DSG1: variants seen among roughly 807,000 people sequenced by gnomAD.
DSG1 encodes the protein desmoglein 1, also known as desmoglein-1.
DSG1 carries 39 observed loss-of-function variants against 97.5 expected under a neutral mutation model. The observed-to-expected ratio is 0.40, with a 90% CI of 0.31 to 0.52. DSG1 has a LOEUF of 0.52. Ranked by LOEUF, DSG1 falls within the 20% of genes least tolerant of loss-of-function variation. The pLI is 0.53. For synonymous variants in DSG1, 475 were observed against 443.4 expected (o/e 1.07, Z -0.90); for missense variants, 1,311 against 1,295.4 (o/e 1.01, Z -0.18).
Position 31,356,073 on chromosome 18 carries a change from T to TTA in DSG1, c.*728_*729dup, listed in dbSNP as rs1298113391. On this transcript the variant is annotated 3_prime_UTR_variant, in exon 15 of 15. Coordinates refer to ENST00000257192, the MANE Select transcript of DSG1 (RefSeq NM_001942.4). ...GGATTCTTCTGATTCTAGTGTGTGT[T>TTA]TAGTGATAGATGTAGTCTTGACGAA... 6.6e-6 allele frequency: 1 copy of TTA among 152,348 alleles called. No individual in the cohort carries two copies. The highest frequency in any genetic ancestry group is 2.4e-5 in the African/African-American group (1 of 41,452). The allele number at this position is 152,348 out of a possible 1,614,324, so 9.4% of individuals were successfully genotyped here. A position where few individuals can be genotyped will look rare whatever the true frequency, so the allele number is the denominator to read the frequency against.
chr18:31,318,489 A>G (rs2071633964), intron 1 of DSG1, 141 bp downstream of exon 1: 1 of 757,356 alleles, frequency 1.3e-6, no homozygotes, highest in African/African-American at 1.7e-5. Flanking sequence ...TTTATGAACT[A>G]GATTTTTCAA....
intron 1 of DSG1, among the ~76,000 whole-genome samples, chr18:31,318,619 A>G (rs1476447210): frequency 6.6e-6 from 1 of 152,166 alleles, no homozygotes; most frequent in African/African-American, 2.4e-5. Context: ...GACTGAATTT[A>G]GGAAATTCCT....
At position 31,358,350 on chromosome 18, in the gene DSG1, T is replaced by A. The variant is rs189810469; in HGVS notation, c.*3004T>A. On this transcript the variant is annotated 3_prime_UTR_variant, in exon 15 of 15. Transcript: ENST00000257192. ...ATTATTTACTTCTAAGCATGTTGTC[T>A]GATGTAATTGCATTTGCACTGAAAA... is the stretch of plus-strand genomic sequence containing the variant. 2.0e-5 allele frequency among the ~76,000 whole-genome samples: 3 copies of A among 152,034 alleles called. No homozygotes were observed. The highest frequency in any genetic ancestry group is 4.4e-5 in the Non-Finnish European group (3 of 67,896).
Position 31,354,650 on chromosome 18 carries a change from T to C in DSG1, c.2454T>C (p.Pro818=). The change falls in exon 15 of 15, where the codon CCT becomes CCC. Residue 818 remains proline, a synonymous_variant. Transcript: ENST00000257192. ...CTGAGAGCACCTATCCCTCGGGACC[T>C]GGTGTACTGCATCCTAAGCCTATTC... The part of the protein sequence containing the change: ...VISESTYPSG[P]GVLHPKPILD... 1 of 1,614,172 alleles carries C rather than the reference T, an allele frequency of 6.2e-7. No homozygotes were observed. The highest frequency in any genetic ancestry group is 8.5e-7 in the Non-Finnish European group (1 of 1,180,030).
intron 4 of DSG1, 34 bp downstream of exon 4, chr18:31,328,378 G>T: frequency 6.3e-7 from 1 of 1,594,412 alleles, no homozygotes; most frequent in Non-Finnish European, 8.6e-7. Flanking sequence ...ATATGTTCAT[G>T]CTTAAATTCT....
At chr18:31,329,749 A>C in intron 4 of DSG1, 143 bp from the exon 5 acceptor site, 1 of 994,698 alleles carries the variant, frequency 1.0e-6, no homozygotes, top group Non-Finnish European at 1.5e-6. Flanking sequence ...GCTTTCCCTT[A>C]GTGACTGTAA....
intron 9 of DSG1, among the ~76,000 whole-genome samples, chr18:31,337,850 G>C (rs747081847): frequency 8.5e-5 from 13 of 152,252 alleles, no homozygotes; most frequent in South Asian, 6.2e-4. Flanking sequence ...GAATTCAAAA[G>C]AGGTCTTGTC....
At chr18:31,337,413 C>T (rs377449234) in intron 9 of DSG1, among the ~76,000 whole-genome samples, 1 of 152,098 alleles carries the variant, frequency 6.6e-6, no homozygotes, top group Admixed American at 6.5e-5. Flanking sequence ...CCTGCTACCA[C>T]GCCCAGCTAT....
rs188038219 is a variant in DSG1, at chr18:31,357,683, G to A, written c.*2337G>A. 6.6e-6 allele frequency among the ~76,000 whole-genome samples: 1 copy of A among 151,838 alleles called. No individual in the cohort carries two copies. Among genetic ancestry groups the A allele is most frequent in the Admixed American group, 6.6e-5 (1 of 15,248 alleles). On this transcript the variant is annotated 3_prime_UTR_variant, in exon 15 of 15. Coordinates refer to ENST00000257192, the MANE Select transcript of DSG1 (RefSeq NM_001942.4). ...TCTGAACTCCTAAACACTGTTAAACGATGGGAAAAACAAGAAAAAACATGG... is the reference window on the plus strand; with the variant it reads ...TCTGAACTCCTAAACACTGTTAAACAATGGGAAAAACAAGAAAAAACATGG...
At chr18:31,329,409 T>A (rs1377198830) in intron 4 of DSG1, among the ~76,000 whole-genome samples, 1 of 152,086 alleles carries the variant, frequency 6.6e-6, no homozygotes, top group African/African-American at 2.4e-5. Context: ...CACACAACTT[T>A]AATTCTTTAG....
intron 11 of DSG1, among the ~76,000 whole-genome samples, chr18:31,343,026 T>C (rs2071800353): frequency 6.6e-6 from 1 of 150,838 alleles, no homozygotes. Context: ...TCCTCCCACC[T>C]CAGCCTCCAG....
intron 14 of DSG1, among the ~76,000 whole-genome samples, chr18:31,349,153 G>A (rs1450816652): frequency 1.5e-5 from 2 of 135,000 alleles, no homozygotes; most frequent in Non-Finnish European, 3.1e-5. Flanking sequence ...TAAGGTGTAA[G>A]GAAGGGATCC....
At chr18:31,319,220 T>G (rs1255242746) in intron 1 of DSG1, among the ~76,000 whole-genome samples, 3 of 152,166 alleles carry the variant, frequency 2.0e-5, no homozygotes, top group Non-Finnish European at 4.4e-5. Context: ...AATTGTAATC[T>G]CTCTCATAGT....
intron 10 of DSG1, 30 bp downstream of exon 10, chr18:31,338,484 T>G: frequency 6.2e-7 from 1 of 1,606,388 alleles, no homozygotes; most frequent in Non-Finnish European, 8.5e-7. Flanking sequence ...TTTTATCTTT[T>G]CTAGAGAAAG....
At chr18:31,322,507 A>C (rs1332275743) in intron 1 of DSG1, among the ~76,000 whole-genome samples, 1 of 152,226 alleles carries the variant, frequency 6.6e-6, no homozygotes, top group African/African-American at 2.4e-5. Flanking sequence ...ATACACATTC[A>C]GTATGTACTT....
intron 1 of DSG1, among the ~76,000 whole-genome samples, chr18:31,319,672 A>G (rs1376589613): frequency 1.3e-5 from 2 of 152,212 alleles, no homozygotes; most frequent in African/African-American, 4.8e-5. Flanking sequence ...AATTTGATCC[A>G]TTAAGAGCTA....
In DSG1 at chr18:31,356,333, T is replaced by C. The variant is rs963690438; in HGVS notation, c.*987T>C. ...TATTCATTCGTATCCAGCTCTTTAT[T>C]ACATAGCTCTGAAGTTAAAATGATT... On this transcript the variant is annotated 3_prime_UTR_variant, in exon 15 of 15. Coordinates refer to ENST00000257192, the MANE Select transcript of DSG1 (RefSeq NM_001942.4). 2 of 152,144 alleles carry C rather than the reference T, an allele frequency of 1.3e-5. No individual in the cohort carries two copies. The highest frequency in any genetic ancestry group is 2.9e-5 in the Non-Finnish European group (2 of 68,024). The allele number at this position is 152,144 out of a possible 1,614,324, so 9.4% of individuals were successfully genotyped here. A position where few individuals can be genotyped will look rare whatever the true frequency, so the allele number is the denominator to read the frequency against.
intron 14 of DSG1, among the ~76,000 whole-genome samples, chr18:31,351,540 C>G (rs1371954086): frequency 6.6e-6 from 1 of 151,276 alleles, no homozygotes; most frequent in Non-Finnish European, 1.5e-5. Flanking sequence ...CTTTCTGTCT[C>G]GTTGATCTGT....
In DSG1 at chr18:31,333,709, A is replaced by G; in HGVS notation, c.805A>G (p.Met269Val). Reference sequence around the variant, plus strand: ...CGATGTCAATGATAATATCCCTTACATGGAACAGTCTTCAGTAAGTATTTG... The same window carrying G: ...CGATGTCAATGATAATATCCCTTACGTGGAACAGTCTTCAGTAAGTATTTG... Reference protein sequence around the residue: ...ILDVNDNIPYMEQSSYTIEIQ... With the variant: ...ILDVNDNIPYVEQSSYTIEIQ... The change falls in exon 7 of 15, where the codon ATG (methionine) becomes GTG (valine). Residue 269 changes from methionine (M) to valine (V), a missense_variant. Met to Val is a conservative substitution (Grantham distance 21). Coordinates refer to ENST00000257192, the MANE Select transcript of DSG1 (RefSeq NM_001942.4). 8 of 1,613,738 alleles carry G rather than the reference A, an allele frequency of 5.0e-6. No individual in the cohort carries two copies. Among genetic ancestry groups the G allele is most frequent in the Non-Finnish European group, 6.8e-6 (8 of 1,179,650 alleles).
Sources: allele counts gnomAD v4.1 joint callset (sites outside exome capture counted in the v4.1 genomes callset), GRCh38; gene constraint gnomAD v4.1.1; transcripts MANE v1.5; gene names NCBI Gene and HGNC (gene_info 2026-07-23, HGNC 2026-07-21).